The following CACNA2D4 variants were observed in gnomAD, a reference collection of about 807,000 sequenced individuals.
CACNA2D4 encodes the protein voltage-dependent calcium channel subunit alpha-2/delta-4.
In CACNA2D4, 157 loss-of-function variants were observed where a neutral mutation model predicts 163.8. The observed-to-expected ratio is 0.96, with a 90% CI of 0.84 to 1.09. The LOEUF is 1.09. Among genes scored for constraint, CACNA2D4 ranks in the 50% least tolerant of loss-of-function variants. The pLI is 0.00. For synonymous variants in CACNA2D4, 598 were observed against 586.9 expected (o/e 1.02, Z -0.27); for missense variants, 1,410 against 1,479.9 (o/e 0.95, Z 0.78).
intron 18 of CACNA2D4, among the ~76,000 whole-genome samples, chr12:1,860,445 C>G (rs990841258): frequency 1.3e-5 from 2 of 152,260 alleles, no homozygotes; most frequent in African/African-American, 2.4e-5. Context: ...AAGGTCTGGA[C>G]CTGCACTGCC....
At position 1,800,383 on chromosome 12, in the gene CACNA2D4, C is replaced by T. The variant is rs773484873; in HGVS notation, c.2921+3G>A. On this transcript the variant is annotated splice_donor_region_variant and intron_variant, in intron 32 of 37. Coordinates refer to ENST00000382722, the MANE Select transcript of CACNA2D4 (RefSeq NM_172364.5). ...CACCAGCCCCGTGTCTACCCCCACT[C>T]ACAGCACCAGCTCCTGCAGCAGCCA... The T allele has an allele frequency of 2.2e-5, 36 of 1,613,788 alleles. No homozygotes were observed. The highest frequency in any genetic ancestry group is 3.1e-5 in the Non-Finnish European group (36 of 1,179,856).
At chr12:1,831,566 C>G (rs773766341) in intron 26 of CACNA2D4, 2 of 1,522,676 alleles carry the variant, frequency 1.3e-6, no homozygotes, top group South Asian at 1.2e-5. Flanking sequence ...GGGATTGGGA[C>G]GATCACCTCT....
chr12:1,887,984 T>C (rs1354518387), intron 6 of CACNA2D4, among the ~76,000 whole-genome samples: 3 of 152,158 alleles, frequency 2.0e-5, no homozygotes, highest in African/African-American at 7.2e-5. Context: ...TCAGAGACCA[T>C]GATCTCAAAA....
intron 4 of CACNA2D4, among the ~76,000 whole-genome samples, chr12:1,908,483 C>T (rs1338562141): frequency 6.6e-6 from 1 of 152,188 alleles, no homozygotes; most frequent in Non-Finnish European, 1.5e-5. Flanking sequence ...GCCCAGGTTC[C>T]GAGTCCCGCA....
chr12:1,845,023 C>T lies in CACNA2D4; in HGVS notation c.2343-494G>A, dbSNP rs544254593. ...TATGGTTTTGCATTCCCTGAACACA[C>T]GGCAGCCCACAGAAGGGAGTGTTCG... is the stretch of plus-strand genomic sequence containing the variant. On this transcript the variant is annotated intron_variant, in intron 24 of 37. Coordinates refer to ENST00000382722, the MANE Select transcript of CACNA2D4 (RefSeq NM_172364.5). 8.1e-5 allele frequency among the ~76,000 whole-genome samples: 12 copies of T among 148,840 alleles called. No homozygotes were observed. The East Asian group carries it at 2.0e-3, about 25-fold the overall frequency.
At chr12:1,846,864 C>G (rs188028256) in intron 23 of CACNA2D4, among the ~76,000 whole-genome samples, 175 bp from the exon 24 acceptor site, 1 of 152,230 alleles carries the variant, frequency 6.6e-6, no homozygotes. Flanking sequence ...CTGGCATCCA[C>G]GGTGCCCATC....
At position 1,917,916 on chromosome 12, in the gene CACNA2D4, T is replaced by A. The variant is rs919836547; in HGVS notation, c.227+331A>T. On this transcript the variant is annotated intron_variant, in intron 1 of 37. Transcript: ENST00000382722. The surrounding 1 kb of genome is among the most constrained non-coding windows in gnomAD (Gnocchi z 4.3). ...CCAGGCTGCCTCATCTCAGCGATTA[T>A]CCTGAAGGAGCACCCGCCCTTCAGG... 2.8e-5 allele frequency: 8 copies of A among 286,898 alleles called. No homozygotes were observed. The highest frequency in any genetic ancestry group is 6.5e-6 in the Non-Finnish European group (1 of 153,226). 17.8% of individuals were successfully genotyped at this position (286,898 alleles called of 1,614,324 possible).
At position 1,914,878 on chromosome 12, in the gene CACNA2D4, G is replaced by C; in HGVS notation, c.285C>G (p.Tyr95Ter). 3 of 1,613,690 alleles carry C rather than the reference G, an allele frequency of 1.9e-6. No homozygotes were observed. Among genetic ancestry groups the C allele is most frequent in the African/African-American group, 1.3e-5 (1 of 75,028 alleles). ...CCTTCTGCAGCAAGAGAGAGCCTGA[G>C]TATTTGGTCACAGTGTTATACAGGT... The part of the protein sequence containing the change: ...GGDLYNTVTK[Y>*]SGSLLLQKKY... Residue 95 changes from tyrosine (Y) to a stop codon, truncating the protein, a stop_gained, in exon 2 of 38, where the codon TAC (tyrosine) becomes TAG (stop). Coordinates refer to ENST00000382722, the MANE Select transcript of CACNA2D4 (RefSeq NM_172364.5). LOFTEE classifies it high-confidence loss of function.
rs1224323204 is a variant in CACNA2D4, at chr12:1,917,908, A to C, written c.227+339T>G. ...CGGCTCCTCCAGGCTGCCTCATCTC[A>C]GCGATTATCCTGAAGGAGCACCCGC... On this transcript the variant is annotated intron_variant, in intron 1 of 37. Transcript: ENST00000382722. This position sits in a 1 kb window ranked among gnomAD's most constrained non-coding sequence, Gnocchi z 4.3. The C allele has an allele frequency of 3.8e-6, 1 of 263,236 alleles. No homozygotes were observed. Among genetic ancestry groups the C allele is most frequent in the African/African-American group, 2.3e-5 (1 of 43,216 alleles). The allele number at this position is 263,236 out of a possible 1,614,324, so 16.3% of individuals were successfully genotyped here.
rs550317710 is a variant in CACNA2D4, at chr12:1,828,271, G to A, written c.2551+12468C>T. 199 of 1,450,710 alleles carry A rather than the reference G, an allele frequency of 1.4e-4. No individual in the cohort carries two copies. The highest frequency in any genetic ancestry group is 5.3e-4 in the Middle Eastern group (3 of 5,616). 89.9% of individuals were successfully genotyped at this position (1,450,710 alleles called of 1,614,324 possible). ...GCGGGTTGGGTGGGGGTGCCGAGGT[G>A]ACTGTAGGTAGCGCCATATGGGACC... is the stretch of plus-strand genomic sequence containing the variant. On this transcript the variant is annotated intron_variant, in intron 26 of 37. Coordinates refer to ENST00000382722, the MANE Select transcript of CACNA2D4 (RefSeq NM_172364.5). This position sits in a 1 kb window ranked among gnomAD's most constrained non-coding sequence, Gnocchi z 4.2.
chr12:1,918,436 T>C lies in CACNA2D4; in HGVS notation c.38A>G (p.Asn13Ser). 1 of 1,585,132 alleles carries C rather than the reference T, an allele frequency of 6.3e-7. No homozygotes were observed. The highest frequency in any genetic ancestry group is 8.6e-7 in the Non-Finnish European group (1 of 1,166,418). Residue 13 changes from asparagine (N) to serine (S), a missense_variant, in exon 1 of 38, where the codon AAC (asparagine) becomes AGC (serine). Asn to Ser is a conservative substitution (Grantham distance 46). Coordinates refer to ENST00000382722, the MANE Select transcript of CACNA2D4 (RefSeq NM_172364.5). ...AGTTGCAGGCATGGTGGGCCTGGGG[T>C]TGGGGAGGGGAAGGAGGGCAGAGCA... Reference protein sequence around the residue: ...CGCSALLPLPNPRPTMPATPN... With the variant: ...CGCSALLPLPSPRPTMPATPN...
In CACNA2D4 at chr12:1,878,349, C is replaced by T; in HGVS notation, c.1685G>A (p.Gly562Asp). Residue 562 changes from glycine (G) to aspartate (D), a missense_variant, in exon 16 of 38, where the codon GGC becomes GAC. Gly to Asp is a moderately conservative substitution (Grantham distance 94). Transcript: ENST00000382722. This position sits in a 1 kb window ranked among gnomAD's most constrained non-coding sequence, Gnocchi z 4.6. ...GAGGTCGGGATGGGAGAGGATGTAG[C>T]CATTGTTGGTGTTCAGAAAGGCGTA... ...HGYAFLNTNNGYILSHPDLRP... is the reference protein window; with the variant it reads ...HGYAFLNTNNDYILSHPDLRP... 6.2e-7 allele frequency: 1 copy of T among 1,609,562 alleles called. No individual in the cohort carries two copies.
intron 26 of CACNA2D4, among the ~76,000 whole-genome samples, chr12:1,821,661 C>A (rs1346342374): frequency 6.6e-6 from 1 of 152,128 alleles, no homozygotes; most frequent in Admixed American, 6.5e-5. Context: ...GGCTTCTTGA[C>A]CCACACAGGG....
In CACNA2D4 at chr12:1,799,368, T is replaced by C. The variant is rs948618465; in HGVS notation, c.2995+307A>G. ...GCTTCTCCAAGGGGTGGGCTGGAGG[T>C]TGCTCACTCATACTGGCTCATGGCC... is the stretch of plus-strand genomic sequence containing the variant. On this transcript the variant is annotated intron_variant, in intron 34 of 37. Coordinates refer to ENST00000382722, the MANE Select transcript of CACNA2D4 (RefSeq NM_172364.5). This position sits in a 1 kb window ranked among gnomAD's most constrained non-coding sequence, Gnocchi z 4.7. Among the ~76,000 whole-genome samples, 26 of 151,984 alleles carry C rather than the reference T, an allele frequency of 1.7e-4. No individual in the cohort carries two copies. The highest frequency in any genetic ancestry group is 5.9e-5 in the Non-Finnish European group (4 of 67,968).
At chr12:1,821,476 C>G (rs191978682) in intron 26 of CACNA2D4, among the ~76,000 whole-genome samples, 3 of 152,186 alleles carry the variant, frequency 2.0e-5, no homozygotes, top group Non-Finnish European at 2.9e-5. Flanking sequence ...AGAGAAGTAT[C>G]GCAGCCCTTC....
chr12:1,804,810 T>C (rs1165699264), intron 29 of CACNA2D4, among the ~76,000 whole-genome samples: 3 of 152,224 alleles, frequency 2.0e-5, no homozygotes, highest in Non-Finnish European at 4.4e-5. Context: ...GCTGGGATCG[T>C]GCGGATGGGG....
At chr12:1,822,111 G>T (rs916654508) in intron 26 of CACNA2D4, 2 of 152,044 alleles carry the variant, frequency 1.3e-5, no homozygotes, top group Non-Finnish European at 2.9e-5. Context: ...CCAAAAGAGG[G>T]AGACCAGGAA....
In CACNA2D4 at chr12:1,913,014, C is replaced by A. The variant is rs563749135; in HGVS notation, c.426+9G>T. 2 of 1,585,352 alleles carry A rather than the reference C, an allele frequency of 1.3e-6. No homozygotes were observed. Among genetic ancestry groups the A allele is most frequent in the South Asian group, 2.2e-5 (2 of 90,390 alleles). ...GAGAAACGCCCTGCAGATCACAGGC[C>A]TGGAGTACCTGGACCGCCTCGACTT... On this transcript the variant is annotated intron_variant, in intron 3 of 37. Transcript: ENST00000382722.
At chr12:1,827,246 A>G (rs989183020) in intron 26 of CACNA2D4, among the ~76,000 whole-genome samples, 4 of 151,890 alleles carry the variant, frequency 2.6e-5, no homozygotes, top group Non-Finnish European at 5.9e-5. Flanking sequence ...AGACCCCAGC[A>G]CACAGCCTGT....
Sources: gnomAD v4.1 joint callset for allele counts (sites outside exome capture counted in the v4.1 genomes callset) on GRCh38, gnomAD v4.1.1 for gene constraint, Gnocchi (gnomAD v3.1) non-coding constraint, MANE v1.5 for transcripts, NCBI Gene and HGNC (gene_info 2026-07-23, HGNC 2026-07-21) for gene names.